KCNT2: variants seen among roughly 807,000 people sequenced by gnomAD.
The protein encoded by KCNT2 is potassium sodium-activated channel subfamily T member 2.
KCNT2 carries 67 observed loss-of-function variants against 153.8 expected under a neutral mutation model. The ratio of observed to expected loss-of-function variants is 0.44; its 90% CI spans 0.36 to 0.53. The LOEUF (loss-of-function observed/expected upper bound fraction) is 0.53, where lower values mean the gene tolerates loss of function less well. Among genes scored for constraint, KCNT2 ranks in the 20% least tolerant of loss-of-function variants. The pLI is 0.00. For missense variants in KCNT2, 975 were observed against 1,354.8 expected (o/e 0.72, Z 4.40); for synonymous variants, 500 against 458.8 (o/e 1.09, Z -1.15).
At chr1:196,387,197 G>T (rs1300780266) in intron 13 of KCNT2, among the ~76,000 whole-genome samples, 2 of 151,760 alleles carry the variant, frequency 1.3e-5, no homozygotes, top group East Asian at 3.9e-4. Context: ...CCTTTATAAA[G>T]TGAATTATAA....
chr1:196,494,504 A>C (rs556274625), intron 1 of KCNT2, among the ~76,000 whole-genome samples: 1 of 152,094 alleles, frequency 6.6e-6, no homozygotes, highest in Non-Finnish European at 1.5e-5. Flanking sequence ...GGTTCACGCC[A>C]TTCTTCTCCT....
At chr1:196,558,504 T>A (rs1477427058) in intron 1 of KCNT2, among the ~76,000 whole-genome samples, 1 of 151,284 alleles carries the variant, frequency 6.6e-6, no homozygotes, top group Non-Finnish European at 1.5e-5. Flanking sequence ...GGAATAATAT[T>A]TTCACAACCA....
At chr1:196,446,742 C>T (rs1211370640) in intron 8 of KCNT2, among the ~76,000 whole-genome samples, 2 of 151,516 alleles carry the variant, frequency 1.3e-5, no homozygotes, top group East Asian at 3.9e-4. Context: ...ACCTAGTGAA[C>T]TAAACCAGTA....
chr1:196,424,580 T>C (rs1673486141), intron 11 of KCNT2, among the ~76,000 whole-genome samples: 1 of 151,684 alleles, frequency 6.6e-6, no homozygotes, highest in South Asian at 2.1e-4. Context: ...AAATATAAAG[T>C]ATTTAATCCA....
chr1:196,401,440 A>G (rs1362940414), intron 12 of KCNT2, among the ~76,000 whole-genome samples: 2 of 151,798 alleles, frequency 1.3e-5, no homozygotes, highest in Admixed American at 1.3e-4. Context: ...TGCTACTAGA[A>G]CTATGATCAG....
chr1:196,246,127 C>G (rs937943754), intron 26 of KCNT2, among the ~76,000 whole-genome samples: 2 of 152,064 alleles, frequency 1.3e-5, no homozygotes, highest in African/African-American at 4.8e-5. Context: ...CAATGGTGCT[C>G]TAATATATCT....
At chr1:196,506,110 C>T (rs1474250853) in intron 1 of KCNT2, among the ~76,000 whole-genome samples, 1 of 152,072 alleles carries the variant, frequency 6.6e-6, no homozygotes, top group Non-Finnish European at 1.5e-5. Flanking sequence ...TGTTTCCACA[C>T]ATTCGTATGT....
At chr1:196,494,866 C>T (rs561591762) in intron 1 of KCNT2, among the ~76,000 whole-genome samples, 1 of 152,086 alleles carries the variant, frequency 6.6e-6, no homozygotes, top group South Asian at 2.1e-4. Flanking sequence ...GATAAATGCA[C>T]GAATTACGAA....
At chr1:196,542,210 A>G (rs931510747) in intron 1 of KCNT2, among the ~76,000 whole-genome samples, 2 of 152,180 alleles carry the variant, frequency 1.3e-5, no homozygotes, top group Non-Finnish European at 2.9e-5. Context: ...AAGAGAATAT[A>G]GTTTCTAAAA....
chr1:196,539,491 A>AATAATGTTTTTAACAATG (rs1324614037), intron 1 of KCNT2, among the ~76,000 whole-genome samples: 1 of 152,194 alleles, frequency 6.6e-6, no homozygotes, highest in African/African-American at 2.4e-5. Context: ...AATAAGCCCA[A>AATAATGTTTTTAACAATG]ATAATGTTTT....
At chr1:196,486,508 C>A (rs1308102881) in intron 3 of KCNT2, among the ~76,000 whole-genome samples, 1 of 151,880 alleles carries the variant, frequency 6.6e-6, no homozygotes, top group Non-Finnish European at 1.5e-5. Flanking sequence ...TTTCCCAGAA[C>A]ACTTATGAAC....
intron 22 of KCNT2, among the ~76,000 whole-genome samples, chr1:196,300,040 G>A (rs74136504): frequency 0.031 from 4,756 of 152,268 alleles, 229 homozygotes; most frequent in African/African-American, 0.11. Context: ...AAAACCTTTA[G>A]TCTTTGTAAG....
chr1:196,271,231 G>A (rs1658035650), intron 25 of KCNT2, among the ~76,000 whole-genome samples: 1 of 151,956 alleles, frequency 6.6e-6, no homozygotes, highest in Non-Finnish European at 1.5e-5. Flanking sequence ...ATCTAAAATA[G>A]TACTATGGAT....
intron 12 of KCNT2, among the ~76,000 whole-genome samples, chr1:196,403,196 C>T (rs1015977906): frequency 2.0e-5 from 3 of 151,480 alleles, no homozygotes; most frequent in Non-Finnish European, 3.0e-5. Flanking sequence ...ATGGATAAAC[C>T]GTGCCACATC....
At chr1:196,443,107 T>A (rs1675386194) in intron 8 of KCNT2, among the ~76,000 whole-genome samples, 1 of 151,484 alleles carries the variant, frequency 6.6e-6, no homozygotes, top group South Asian at 2.1e-4. Flanking sequence ...AAGCAGGAAG[T>A]GTTAAGAATG....
chr1:196,238,265 G>A (rs1654621755), intron 26 of KCNT2, among the ~76,000 whole-genome samples: 1 of 151,874 alleles, frequency 6.6e-6, no homozygotes, highest in African/African-American at 2.4e-5. Context: ...TGTTAAAAAT[G>A]TAAAAATTGT....
intron 13 of KCNT2, among the ~76,000 whole-genome samples, chr1:196,376,498 A>C (rs1668981381): frequency 6.6e-6 from 1 of 151,950 alleles, no homozygotes; most frequent in Non-Finnish European, 1.5e-5. Context: ...CCAAGACTAC[A>C]AAAATATTTT....
intron 1 of KCNT2, among the ~76,000 whole-genome samples, chr1:196,514,771 C>A (rs1050975735): frequency 6.6e-6 from 1 of 152,008 alleles, no homozygotes; most frequent in Admixed American, 6.6e-5. Flanking sequence ...TTTTTTGATG[C>A]TTTTCATATA....
At chr1:196,335,458 G>GCAT (rs1664931794) in intron 16 of KCNT2, among the ~76,000 whole-genome samples, 1 of 152,102 alleles carries the variant, frequency 6.6e-6, no homozygotes, top group Admixed American at 6.6e-5. Context: ...AATCTGTACA[G>GCAT]CATGTTACTG....
Sources: allele counts gnomAD v4.1 joint callset (sites outside exome capture counted in the v4.1 genomes callset), GRCh38; gene constraint gnomAD v4.1.1; transcripts MANE v1.5; gene names NCBI Gene and HGNC (gene_info 2026-07-23, HGNC 2026-07-21).